Variants in NFASC observed in about 807,000 individuals in gnomAD.
NFASC encodes the protein neurofascin homolog.
In NFASC, 43 loss-of-function variants were observed where a neutral mutation model predicts 147.5. That is an observed-to-expected ratio of 0.29 (90% CI 0.23 to 0.38). The LOEUF (loss-of-function observed/expected upper bound fraction) is 0.38. NFASC is among the 10% of genes least tolerant of loss of function. The pLI is 1.00. For synonymous variants in NFASC, 622 were observed against 665.5 expected (o/e 0.93, Z 1.01); for missense variants, 1,320 against 1,689.0 (o/e 0.78, Z 3.83).
At chr1:204,856,771 T>G (rs1269325735) in intron 1 of NFASC, among the ~76,000 whole-genome samples, 1 of 152,238 alleles carries the variant, frequency 6.6e-6, no homozygotes, top group East Asian at 1.9e-4. Context: ...TCATACAATA[T>G]GTAGCCTTTT....
At chr1:204,937,051 A>G (rs2092916196) in intron 2 of NFASC, among the ~76,000 whole-genome samples, 1 of 151,696 alleles carries the variant, frequency 6.6e-6, no homozygotes. Flanking sequence ...CCTTCTTACC[A>G]TTCAGGTCTT....
Position 204,905,621 on chromosome 1 carries a change from T to A in NFASC, c.-199-15011T>A, listed in dbSNP as rs1213352399. Among the ~76,000 whole-genome samples, 5 of 152,236 alleles carry A rather than the reference T, an allele frequency of 3.3e-5. No homozygotes were observed. The East Asian group carries it at 9.6e-4, about 29-fold the overall frequency. On this transcript the variant is annotated intron_variant, in intron 1 of 29. Transcript: ENST00000339876. ...TACATTATCTTATCGTATAGCATCC[T>A]AATTCACATTTTGACTTCTATGTAA...
At chr1:204,996,584 C>T (rs762644282) in intron 24 of NFASC, among the ~76,000 whole-genome samples, 12 of 152,194 alleles carry the variant, frequency 7.9e-5, no homozygotes, top group South Asian at 2.1e-4. Flanking sequence ...GGCAGAACGC[C>T]GTGCAAGGCT....
intron 8 of NFASC, among the ~76,000 whole-genome samples, chr1:204,960,193 A>G (rs1016904285): frequency 6.6e-6 from 1 of 152,198 alleles, no homozygotes; most frequent in South Asian, 2.1e-4. Context: ...CTCACCAGGC[A>G]CTCCTGTCAC....
rs368489529 is a variant in NFASC, at chr1:204,968,300, C to T, written c.758C>T (p.Ala253Val). 270 of 1,614,172 alleles carry T rather than the reference C, an allele frequency of 1.7e-4. No individual in the cohort carries two copies. The South Asian group carries it at 2.8e-3, about 16-fold the overall frequency. ...TPSFMYPQGT[A>V]SSQMVLRGMD... ...AGCTTCATGTATCCCCAGGGCACCG[C>T]GAGCAGCCAGATGGTGCTTCGTGGC... is the stretch of plus-strand genomic sequence containing the variant. Residue 253 changes from alanine to valine, a missense_variant, in exon 9 of 30, where the codon GCG becomes GTG. This residue lies in a region of NFASC where 981 missense variants were observed against 1,289.5 expected (regional missense o/e 0.76). Coordinates refer to ENST00000339876, the MANE Select transcript of NFASC (RefSeq NM_001005388.3). This position sits in a 1 kb window ranked among gnomAD's most constrained non-coding sequence, Gnocchi z 5.4.
At chr1:204,957,867 A>G (rs751905017) in intron 8 of NFASC, 41 bp downstream of exon 8, 1 of 1,595,262 alleles carries the variant, frequency 6.3e-7, no homozygotes, top group Non-Finnish European at 8.6e-7. Flanking sequence ...GGCCAAAGAA[A>G]GAAGCCCACT....
intron 1 of NFASC, among the ~76,000 whole-genome samples, chr1:204,861,251 G>A (rs58197520): frequency 0.038 from 5,836 of 151,836 alleles, 308 homozygotes; most frequent in African/African-American, 0.12. Context: ...ACCACACCCA[G>A]CTAATTTTTG....
rs931904523 is a variant in NFASC, at chr1:204,987,641, G to T, written c.2593+101G>T. 7.0e-7 allele frequency: 1 copy of T among 1,421,546 alleles called. No homozygotes were observed. The highest frequency in any genetic ancestry group is 1.7e-5 in the Admixed American group (1 of 57,234). 88.1% of individuals were successfully genotyped at this position (1,421,546 alleles called of 1,614,324 possible). On this transcript the variant is annotated intron_variant, in intron 22 of 29. Transcript: ENST00000339876. This position sits in a 1 kb window ranked among gnomAD's most constrained non-coding sequence, Gnocchi z 4.4. ...TCAAGGTAGAAAGCCTGTGGGTGCAGATGGCATTGTGGAGGGATGGAGGGG... is the reference window on the plus strand; with the variant it reads ...TCAAGGTAGAAAGCCTGTGGGTGCATATGGCATTGTGGAGGGATGGAGGGG...
Position 204,968,638 on chromosome 1 carries a change from C to A in NFASC, c.819-160C>A. The stretch of plus-strand genomic sequence containing the variant: ...AGCTAAGCCTTCAGGCTCTCTGTGG[C>A]TGAGCATCCTCCTCTGCACAGGAAA... On this transcript the variant is annotated intron_variant, in intron 9 of 29. Transcript: ENST00000339876. This position sits in a 1 kb window ranked among gnomAD's most constrained non-coding sequence, Gnocchi z 5.4. 1 of 676,980 alleles carries A rather than the reference C, an allele frequency of 1.5e-6. No homozygotes were observed. The highest frequency in any genetic ancestry group is 2.5e-6 in the Non-Finnish European group (1 of 405,300). 41.9% of individuals were successfully genotyped at this position (676,980 alleles called of 1,614,324 possible). A position where few individuals can be genotyped will look rare whatever the true frequency, so the allele number is the denominator to read the frequency against.
intron 3 of NFASC, chr1:204,948,669 A>G (rs1324517721): frequency 3.9e-6 from 2 of 519,054 alleles, no homozygotes; most frequent in East Asian, 5.4e-5. Context: ...TTCCTGTATG[A>G]TCTTGGCCGA....
chr1:205,001,035 G>A (rs1037852103), intron 25 of NFASC, 135 bp from the exon 26 acceptor site: 67 of 678,206 alleles, frequency 9.9e-5, no homozygotes, highest in Non-Finnish European at 1.2e-4. Context: ...TTTCCTAGAT[G>A]ACTGTGTGTA....
At position 204,828,792 on chromosome 1, in the gene NFASC, C is replaced by G; in HGVS notation, c.-200+10C>G. On this transcript the variant is annotated intron_variant, in intron 1 of 29. Coordinates refer to ENST00000339876, the MANE Select transcript of NFASC (RefSeq NM_001005388.3). Reference sequence around the variant, plus strand: ...GCCCGAGCCCTTGGAGGTAGGCGAGCGCGAACACCGGAGAGATGGGGGTAG... The same window carrying G: ...GCCCGAGCCCTTGGAGGTAGGCGAGGGCGAACACCGGAGAGATGGGGGTAG... 3 of 985,198 alleles carry G rather than the reference C, an allele frequency of 3.0e-6. No individual in the cohort carries two copies. The highest frequency in any genetic ancestry group is 3.5e-5 in the African/African-American group (2 of 57,240). 61.0% of individuals were successfully genotyped at this position (985,198 alleles called of 1,614,324 possible). A position where few individuals can be genotyped will look rare whatever the true frequency, so the allele number is the denominator to read the frequency against.
chr1:204,969,009 A>G (rs1558295591), intron 10 of NFASC, 27 bp downstream of exon 10: 1 of 1,596,252 alleles, frequency 6.3e-7, no homozygotes, highest in Admixed American at 1.7e-5. Flanking sequence ...TATCATTATG[A>G]TTATGTTGCC....
chr1:204,906,757 A>ATAGC lies in NFASC; in HGVS notation c.-199-13875_-199-13874insTAGC. On this transcript the variant is annotated intron_variant, in intron 1 of 29. Transcript: ENST00000339876. ...GAGTGCAGTGGCGCGATCTCGGCTC[A>ATAGC]CTGCAAGCTCCGCCTCCCGGGCTCA... Among the ~76,000 whole-genome samples the ATAGC allele has an allele frequency of 3.5e-5, 2 of 57,050 alleles. 1 individual carries two copies. Among genetic ancestry groups the ATAGC allele is most frequent in the Admixed American group, 2.5e-4 (2 of 7,948 alleles). 37.4% of individuals were successfully genotyped at this position (57,050 alleles called of 152,430 possible).
chr1:204,912,284 T>C (rs750350755), intron 1 of NFASC, among the ~76,000 whole-genome samples: 3 of 152,116 alleles, frequency 2.0e-5, no homozygotes, highest in African/African-American at 7.2e-5. Context: ...AAACTTCCCC[T>C]TAGCAGTGCT....
At chr1:204,920,579 T>TC (rs1314220009) in intron 1 of NFASC, 53 bp from the exon 2 acceptor site, 2 of 914,732 alleles carry the variant, frequency 2.2e-6, no homozygotes, top group East Asian at 6.2e-5. Flanking sequence ...CTTTTTTTTT[T>TC]CTTCCTTTCT....
rs760911608 is a variant in NFASC, at chr1:205,016,662, G to A, written c.*123G>A. 1.1e-5 allele frequency: 8 copies of A among 754,300 alleles called. No homozygotes were observed. In the South Asian group the frequency reaches 1.2e-4, roughly 11 times the overall value. 46.7% of individuals were successfully genotyped at this position (754,300 alleles called of 1,614,324 possible). A position where few individuals can be genotyped will look rare whatever the true frequency, so the allele number is the denominator to read the frequency against. On this transcript the variant is annotated 3_prime_UTR_variant, in exon 30 of 30. Coordinates refer to ENST00000339876, the MANE Select transcript of NFASC (RefSeq NM_001005388.3). The surrounding 1 kb of genome is among the most constrained non-coding windows in gnomAD (Gnocchi z 5.1). ...TCAGTAACAAGGGTACGATATGGGGGTCTGCCAAGCTGTGAGGACCAGTAG... is the reference window on the plus strand; with the variant it reads ...TCAGTAACAAGGGTACGATATGGGGATCTGCCAAGCTGTGAGGACCAGTAG...
intron 1 of NFASC, among the ~76,000 whole-genome samples, chr1:204,854,632 T>G (rs1429845700): frequency 6.6e-6 from 1 of 152,214 alleles, no homozygotes; most frequent in East Asian, 1.9e-4. Context: ...CTCCAGGGCA[T>G]TCATCTCTGG....
In NFASC at chr1:204,944,261, C is replaced by T. The variant is rs763684654; in HGVS notation, c.-55C>T. ...TCCAGGAGGCCCAGTTAAAGCGGCT[C>T]GAGGTGACAAGACCCCGAGTGCTGG... On this transcript the variant is annotated 5_prime_UTR_variant, in exon 3 of 30. Transcript: ENST00000339876. 31 of 1,596,028 alleles carry T rather than the reference C, an allele frequency of 1.9e-5. 1 individual carries two copies. The highest frequency in any genetic ancestry group is 2.2e-5 in the Non-Finnish European group (26 of 1,172,098).
Sources: allele counts gnomAD v4.1 joint callset (sites outside exome capture counted in the v4.1 genomes callset), GRCh38; gene constraint gnomAD v4.1.1; regional missense constraint gnomAD v4.1.1; non-coding constraint Gnocchi (gnomAD v3.1); transcripts MANE v1.5; gene names NCBI Gene and HGNC (gene_info 2026-07-23, HGNC 2026-07-21).